CPS1: variants seen among roughly 807,000 people sequenced by gnomAD.
CPS1 encodes carbamoyl-phosphate synthase 1.
CPS1 carries 109 observed loss-of-function variants against 174.6 expected under a neutral mutation model. That is an observed-to-expected ratio of 0.62 (90% CI 0.53 to 0.73). The LOEUF (loss-of-function observed/expected upper bound fraction) is 0.73, where lower values mean the gene tolerates loss of function less well. Ranked by LOEUF, CPS1 falls within the 30% of genes least tolerant of loss-of-function variation. The pLI is 0.00. For missense variants in CPS1, 1,689 were observed against 1,821.9 expected (o/e 0.93, Z 1.33); for synonymous variants, 637 against 632.0 (o/e 1.01, Z -0.12).
rs1276391704 is a variant in CPS1 at position 210,648,455 on chromosome 2, G to A, written c.3337-18G>A. The A allele has an allele frequency of 1.2e-6, 2 of 1,601,104 alleles. No individual in the cohort carries two copies. The highest frequency in any genetic ancestry group is 1.1e-5 in the South Asian group (1 of 90,744). ...TTTAAACTACTCATACATTTTTATTGTTGTTTCTATTAATTAGAATGAAGC... is the reference window on the plus strand; with the variant it reads ...TTTAAACTACTCATACATTTTTATTATTGTTTCTATTAATTAGAATGAAGC... On this transcript the variant is annotated intron_variant, in intron 26 of 37. Coordinates refer to ENST00000233072, the MANE Select transcript of CPS1 (RefSeq NM_001875.5).
At chr2:210,675,022 A>G (rs1264364542) in intron 35 of CPS1, 61 bp downstream of exon 35, 1 of 1,284,154 alleles carries the variant, frequency 7.8e-7, no homozygotes, top group African/African-American at 1.5e-5. Flanking sequence ...AAATCAAAAT[A>G]TTGCAGAATA....
At chr2:210,551,606 C>A (rs756968673), upstream of CPS1, among the ~76,000 whole-genome samples, 10 of 151,778 alleles carry the variant, frequency 6.6e-5, no homozygotes, top group Non-Finnish European at 1.5e-4. Context: ...ATCACATGTG[C>A]CCTGAGCTTT....
intron 21 of CPS1, among the ~76,000 whole-genome samples, chr2:210,625,073 C>T (rs1290314488): frequency 6.6e-6 from 1 of 151,956 alleles, no homozygotes; most frequent in Non-Finnish European, 1.5e-5. Flanking sequence ...TGGTATTAGA[C>T]CAAATGGTAT....
intron 25 of CPS1, among the ~76,000 whole-genome samples, chr2:210,647,514 T>A (rs1700417023): frequency 6.6e-6 from 1 of 152,122 alleles, no homozygotes; most frequent in Non-Finnish European, 1.5e-5. Flanking sequence ...AAAGAAGAAA[T>A]CTGTATTCAG....
At chr2:210,509,698 C>A (rs2105973054) in intron 1 of CPS1, among the ~76,000 whole-genome samples, 1 of 152,292 alleles carries the variant, frequency 6.6e-6, no homozygotes, top group East Asian at 1.9e-4. Flanking sequence ...GATACAAAAT[C>A]AATGTGCAAA....
rs141982972 is a variant in CPS1, at chr2:210,677,970, T to C, written c.4488T>C (p.Ala1496=). The C allele has an allele frequency of 9.3e-6, 15 of 1,613,500 alleles. No individual in the cohort carries two copies. The African/African-American group carries it at 1.7e-4, about 19-fold the overall frequency. Residue 1496 remains alanine, a synonymous_variant, in exon 38 of 38, where the codon GCT becomes GCC. Transcript: ENST00000233072. The stretch of plus-strand genomic sequence containing the variant: ...TTTTCCACTACAGGCAGTACAGTGC[T>C]GGAAAAGCAGCATAGAGATGCAGAC... The part of the protein sequence containing the change: ...KSLFHYRQYS[A]GKAA
rs200407408 is a variant in CPS1, at chr2:210,590,948, C to T, written c.947+42C>T. 2.3e-5 allele frequency: 34 copies of T among 1,472,228 alleles called. No individual in the cohort carries two copies. The East Asian group carries it at 7.8e-4, about 34-fold the overall frequency. 91.2% of individuals were successfully genotyped at this position (1,472,228 alleles called of 1,614,324 possible). A position where few individuals can be genotyped will look rare whatever the true frequency, so the allele number is the denominator to read the frequency against. On this transcript the variant is annotated intron_variant, in intron 9 of 37. Transcript: ENST00000233072. ...TTTGCTTACAGTAAACCAGCTCTGA[C>T]ATACTAACTAAATACAAAGAACTCA...
intron 29 of CPS1, among the ~76,000 whole-genome samples, chr2:210,655,324 T>C (rs1700670098): frequency 6.6e-6 from 1 of 152,226 alleles, no homozygotes; most frequent in African/African-American, 2.4e-5. Context: ...TGCTGGTTTG[T>C]TGGCTTTATT....
At chr2:210,647,023 A>C (rs1700398905) in intron 25 of CPS1, among the ~76,000 whole-genome samples, 1 of 152,142 alleles carries the variant, frequency 6.6e-6, no homozygotes, top group Non-Finnish European at 1.5e-5. Context: ...ATAAGGCTAA[A>C]GATTCTGGCA....
chr2:210,556,921 A>G lies in CPS1; in HGVS notation c.126+62A>G, dbSNP rs1696931583. 4 of 1,570,988 alleles carry G rather than the reference A, an allele frequency of 2.5e-6. No homozygotes were observed. In the Admixed American group the frequency reaches 6.7e-5, roughly 26 times the overall value. ...TGGGGTATAGTTTAGCAGTGAAGCA[A>G]AGGTGTCCCTTACAAGGCAAATACA... On this transcript the variant is annotated intron_variant, in intron 1 of 37. Coordinates refer to ENST00000233072, the MANE Select transcript of CPS1 (RefSeq NM_001875.5).
upstream of CPS1, among the ~76,000 whole-genome samples, chr2:210,555,120 T>C: frequency 6.6e-6 from 1 of 152,058 alleles, no homozygotes; most frequent in Admixed American, 6.6e-5. Context: ...TCCCATGATA[T>C]GGTACCTTTT....
At chr2:210,667,904 G>T (rs1701153178) in intron 33 of CPS1, among the ~76,000 whole-genome samples, 1 of 152,140 alleles carries the variant, frequency 6.6e-6, no homozygotes, top group Non-Finnish European at 1.5e-5. Flanking sequence ...ATTGAGTGTT[G>T]TTGGATAGAA....
At chr2:210,563,503 C>G (rs1296437653) in intron 1 of CPS1, among the ~76,000 whole-genome samples, 1 of 152,078 alleles carries the variant, frequency 6.6e-6, no homozygotes, top group Non-Finnish European at 1.5e-5. Context: ...GTCCTGTAAG[C>G]TCCACATATA....
chr2:210,674,492 A>G lies in CPS1; in HGVS notation c.4102-410A>G, dbSNP rs1238737593. The G allele has an allele frequency of 6.3e-4, 103 of 163,708 alleles. 1 individual carries two copies. Among genetic ancestry groups the G allele is most frequent in the African/African-American group, 1.7e-3 (72 of 41,650 alleles). The allele number at this position is 163,708 out of a possible 1,614,324, so 10.1% of individuals were successfully genotyped here. ...ATCTCAAAAAAAAAAACCAAAAAAA[A>G]AAAAAAGAAATAAGAGCAGGTTGAA... On this transcript the variant is annotated intron_variant, in intron 34 of 37. Coordinates refer to ENST00000233072, the MANE Select transcript of CPS1 (RefSeq NM_001875.5).
At chr2:210,634,983 G>T (rs1179279603) in intron 21 of CPS1, among the ~76,000 whole-genome samples, 1 of 152,080 alleles carries the variant, frequency 6.6e-6, no homozygotes, top group Non-Finnish European at 1.5e-5. Flanking sequence ...AGTCTCCGTT[G>T]TCTGAGCTGG....
chr2:210,603,083 A>G (rs1429899345), intron 16 of CPS1, among the ~76,000 whole-genome samples: 2 of 151,962 alleles, frequency 1.3e-5, no homozygotes, highest in Non-Finnish European at 2.9e-5. Context: ...TATTTCCACA[A>G]AATAGAACAG....
At chr2:210,626,283 A>G (rs967953705) in intron 21 of CPS1, among the ~76,000 whole-genome samples, 7 of 152,132 alleles carry the variant, frequency 4.6e-5, no homozygotes, top group African/African-American at 1.7e-4. Flanking sequence ...TATTTGTATG[A>G]TAATATAACA....
At chr2:210,641,890 G>C (rs140751080) in intron 24 of CPS1, among the ~76,000 whole-genome samples, 1 of 152,318 alleles carries the variant, frequency 6.6e-6, no homozygotes, top group Non-Finnish European at 1.5e-5. Context: ...GAGGTGTTTA[G>C]GCCATTATTA....
At chr2:210,674,696 A>G in intron 34 of CPS1, 1 of 600,738 alleles carries the variant, frequency 1.7e-6, no homozygotes, top group Non-Finnish European at 3.0e-6. Context: ...GATCAAGATT[A>G]TGTGGATGGA....
Sources: allele counts gnomAD v4.1 joint callset (sites outside exome capture counted in the v4.1 genomes callset), GRCh38; gene constraint gnomAD v4.1.1; transcripts MANE v1.5; gene names NCBI Gene and HGNC (gene_info 2026-07-23, HGNC 2026-07-21).